The following GALNTL6 variants were observed in gnomAD, a reference collection of about 807,000 sequenced individuals.
GALNTL6 encodes the protein polypeptide N-acetylgalactosaminyltransferase like 6.
In GALNTL6, 46 loss-of-function variants were observed where a neutral mutation model predicts 73.7. That is an observed-to-expected ratio of 0.62 (90% CI 0.49 to 0.80). The LOEUF (loss-of-function observed/expected upper bound fraction) is 0.80. Ranked by LOEUF, GALNTL6 falls within the 30% of genes least tolerant of loss-of-function variation. The pLI, the probability that GALNTL6 is intolerant of heterozygous loss-of-function variation, is 0.00. For missense variants in GALNTL6, 604 were observed against 755.0 expected (o/e 0.80, Z 2.34); for synonymous variants, 259 against 263.7 (o/e 0.98, Z 0.17).
intron 5 of GALNTL6, among the ~76,000 whole-genome samples, chr4:172,499,797 C>T (rs1734197064): frequency 6.6e-6 from 1 of 152,146 alleles, no homozygotes; most frequent in Non-Finnish European, 1.5e-5. Context: ...TTTTAAAACT[C>T]ACTGCATGGT....
chr4:171,920,412 T>A (rs1033897711), intron 2 of GALNTL6, among the ~76,000 whole-genome samples: 4 of 151,574 alleles, frequency 2.6e-5, no homozygotes, highest in African/African-American at 9.7e-5. Context: ...AAAGAAACAG[T>A]TTAGGGATGG....
Position 172,296,776 on chromosome 4 carries a change from T to G in GALNTL6, c.248-14838T>G, listed in dbSNP as rs567359122. Among the ~76,000 whole-genome samples, 296 of 152,296 alleles carry G rather than the reference T, an allele frequency of 1.9e-3. 1 individual carries two copies. The highest frequency in any genetic ancestry group is 6.6e-3 in the African/African-American group (276 of 41,554). On this transcript the variant is annotated intron_variant, in intron 3 of 12. Coordinates refer to ENST00000506823, the MANE Select transcript of GALNTL6 (RefSeq NM_001034845.3). ...CCAGTCTATCATTGTTGGACATTTG[T>G]CTTGGTTCCAAGTCTTTGCTATTGT...
At chr4:171,854,397 C>A (rs1028059876) in intron 2 of GALNTL6, among the ~76,000 whole-genome samples, 115 of 152,172 alleles carry the variant, frequency 7.6e-4, no homozygotes, top group African/African-American at 2.6e-3. Context: ...AACGGCTGCA[C>A]CAGTTTCAGT....
chr4:172,199,476 C>G, intron 2 of GALNTL6, among the ~76,000 whole-genome samples: 1 of 152,174 alleles, frequency 6.6e-6, no homozygotes, highest in Non-Finnish European at 1.5e-5. Flanking sequence ...ATAATTCTCT[C>G]ACCATTTGAC....
intron 8 of GALNTL6, among the ~76,000 whole-genome samples, chr4:172,885,838 CTTG>C (rs1745692558): frequency 6.6e-6 from 1 of 152,172 alleles, no homozygotes; most frequent in African/African-American, 2.4e-5. Context: ...CCTTGATTCT[CTTG>C]TTGTGATATA....
chr4:172,737,481 A>G (rs964274703), intron 5 of GALNTL6, among the ~76,000 whole-genome samples: 2 of 151,762 alleles, frequency 1.3e-5, no homozygotes, highest in Non-Finnish European at 2.9e-5. Flanking sequence ...TATTATTTCA[A>G]TTTTTTGCTA....
intron 4 of GALNTL6, among the ~76,000 whole-genome samples, chr4:172,313,112 T>TCCCCCCCCCCCC (rs143094304): frequency 7.6e-6 from 1 of 132,032 alleles, no homozygotes; most frequent in Non-Finnish European, 1.6e-5. Flanking sequence ...TCTATCCAGT[T>TCCCCCCCCCCCC]CCCCCCCCCA....
At chr4:172,263,638 T>C (rs1263802739) in intron 3 of GALNTL6, among the ~76,000 whole-genome samples, 1 of 151,600 alleles carries the variant, frequency 6.6e-6, no homozygotes, top group Admixed American at 6.6e-5. Context: ...TTCTAGAAGT[T>C]CTATTTTTCC....
intron 5 of GALNTL6, among the ~76,000 whole-genome samples, chr4:172,676,755 T>C (rs1732324772): frequency 6.6e-6 from 1 of 152,224 alleles, no homozygotes; most frequent in Non-Finnish European, 1.5e-5. Flanking sequence ...CTTCAGTCAC[T>C]TTCCGATTTC....
At chr4:172,408,264 A>T (rs889889023) in intron 5 of GALNTL6, among the ~76,000 whole-genome samples, 1 of 152,026 alleles carries the variant, frequency 6.6e-6, no homozygotes, top group Non-Finnish European at 1.5e-5. Flanking sequence ...TGTCTTCTCT[A>T]TGAATTTTCT....
intron 8 of GALNTL6, among the ~76,000 whole-genome samples, chr4:172,924,735 G>A (rs1747960957): frequency 1.3e-5 from 2 of 152,260 alleles, no homozygotes; most frequent in East Asian, 1.9e-4. Context: ...GTGACTGAGA[G>A]ACAAGTAGGC....
At chr4:172,196,516 T>A (rs1385140302) in intron 2 of GALNTL6, among the ~76,000 whole-genome samples, 1 of 152,122 alleles carries the variant, frequency 6.6e-6, no homozygotes, top group East Asian at 1.9e-4. Flanking sequence ...CAGGCCAATA[T>A]CCCTGCTGAA....
chr4:172,287,217 A>G (rs1739290179), intron 3 of GALNTL6, among the ~76,000 whole-genome samples: 1 of 152,202 alleles, frequency 6.6e-6, no homozygotes, highest in Non-Finnish European at 1.5e-5. Flanking sequence ...GCAGAATGGA[A>G]GAGGAATGTA....
chr4:172,260,514 T>C (rs1384385447), intron 3 of GALNTL6, among the ~76,000 whole-genome samples: 1 of 151,538 alleles, frequency 6.6e-6, no homozygotes, highest in Admixed American at 6.6e-5. Context: ...AATGACTCTT[T>C]ATGGACTTCT....
intron 2 of GALNTL6, among the ~76,000 whole-genome samples, chr4:171,968,906 G>T (rs1391431291): frequency 6.6e-6 from 1 of 150,764 alleles, no homozygotes. Context: ...GTGTGATCTC[G>T]GCTCACTGCA....
At chr4:171,981,418 G>A (rs1272240493) in intron 2 of GALNTL6, among the ~76,000 whole-genome samples, 1 of 152,194 alleles carries the variant, frequency 6.6e-6, no homozygotes, top group East Asian at 1.9e-4. Context: ...TAAGCTGTCA[G>A]TTTACATTGC....
At chr4:172,186,354 G>A in intron 2 of GALNTL6, among the ~76,000 whole-genome samples, 1 of 152,102 alleles carries the variant, frequency 6.6e-6, no homozygotes, top group East Asian at 1.9e-4. Flanking sequence ...CCACTGTAGA[G>A]AAAAGTTTAG....
rs1731923844 is a variant in GALNTL6, at chr4:172,082,949, GGT to G, written c.139-146704_139-146703del. ...TCTTCATTGTTTGTACTTCTTTTTT[GGT>G]GTTATAAGTTAATGTTTATCACTAA... is the stretch of plus-strand genomic sequence containing the variant. On this transcript the variant is annotated intron_variant, in intron 2 of 12. Coordinates refer to ENST00000506823, the MANE Select transcript of GALNTL6 (RefSeq NM_001034845.3). 2.0e-5 allele frequency among the ~76,000 whole-genome samples: 3 copies of G among 151,826 alleles called. No homozygotes were observed. The South Asian group carries it at 6.2e-4, about 32-fold the overall frequency.
intron 2 of GALNTL6, among the ~76,000 whole-genome samples, chr4:171,851,839 A>G (rs991074460): frequency 2.0e-5 from 3 of 152,224 alleles, no homozygotes; most frequent in Admixed American, 2.0e-4. Flanking sequence ...TAAATATTTC[A>G]AAAGAGCTTA....
Sources: gnomAD v4.1 joint callset for allele counts (sites outside exome capture counted in the v4.1 genomes callset) on GRCh38, gnomAD v4.1.1 for gene constraint, MANE v1.5 for transcripts, NCBI Gene and HGNC (gene_info 2026-07-23, HGNC 2026-07-21) for gene names.